The following KDM7A variants were observed in gnomAD, a reference collection of about 807,000 sequenced individuals.
KDM7A encodes the protein lysine-specific demethylase 7A.
A neutral mutation model predicts 114.8 loss-of-function variants in KDM7A; 28 were observed. The observed-to-expected ratio is 0.24, with a 90% CI of 0.18 to 0.33. KDM7A has a LOEUF of 0.33. Ranked by LOEUF, KDM7A falls within the 10% of genes least tolerant of loss-of-function variation. The pLI, the probability that KDM7A is intolerant of heterozygous loss-of-function variation, is 1.00. For synonymous variants in KDM7A, 423 were observed against 397.8 expected, an observed-to-expected ratio of 1.06 and a Z score of -0.75; for missense variants, 942 against 1,142.5, an observed-to-expected ratio of 0.82 and a Z score of 2.53.
chr7:140,151,504 G>A (rs1794400154), intron 1 of KDM7A, among the ~76,000 whole-genome samples: 2 of 152,146 alleles, frequency 1.3e-5, no homozygotes, highest in African/African-American at 2.4e-5. Context: ...GATAGAAAAT[G>A]AATGTGAGGG....
chr7:140,101,793 C>T (rs1818230078), intron 12 of KDM7A, among the ~76,000 whole-genome samples, 158 bp downstream of exon 12: 1 of 152,142 alleles, frequency 6.6e-6, no homozygotes, highest in Non-Finnish European at 1.5e-5. Flanking sequence ...AAAGATTAAG[C>T]ACCACTCCCT....
chr7:140,130,161 G>A (rs911543360), intron 3 of KDM7A, among the ~76,000 whole-genome samples: 88 of 152,138 alleles, frequency 5.8e-4, no homozygotes, highest in African/African-American at 1.9e-3. Context: ...TACTCAACCT[G>A]TATTTTAGTA....
At position 140,102,066 on chromosome 7, in the gene KDM7A, C is replaced by T. The variant is rs776742325; in HGVS notation, c.1523G>A (p.Arg508Gln). 24 of 1,613,640 alleles carry T rather than the reference C, an allele frequency of 1.5e-5. No individual in the cohort carries two copies. The highest frequency in any genetic ancestry group is 5.3e-5 in the African/African-American group (4 of 74,890). ...SNEATSPYHS[R>Q]RKMRKLRDHN... is the part of the protein sequence containing the mutation. ...ATCTCGAAGTTTCCTCATCTTTCTT[C>T]GGGAATGGTATGGGGAAGTTGCTTC... The change falls in exon 12 of 20, where the codon CGA (arginine) becomes CAA (glutamine). Residue 508 changes from arginine to glutamine, a missense_variant. Physicochemically the swap from Arg to Gln is conservative, Grantham distance 43 (BLOSUM62 1). Transcript: ENST00000397560.
At chr7:140,143,807 C>G (rs769536381) in intron 1 of KDM7A, among the ~76,000 whole-genome samples, 24 of 152,180 alleles carry the variant, frequency 1.6e-4, no homozygotes, top group Non-Finnish European at 3.2e-4. Flanking sequence ...ATCCACATAA[C>G]TAAATCAAGC....
In KDM7A at chr7:140,100,010, G is replaced by A. The variant is rs1472541351; in HGVS notation, c.1652C>T (p.Ser551Phe). 8.7e-6 allele frequency: 14 copies of A among 1,613,984 alleles called. No individual in the cohort carries two copies. The highest frequency in any genetic ancestry group is 1.3e-5 in the African/African-American group (1 of 74,904). The change falls in exon 13 of 20, where the codon TCT (serine) becomes TTT (phenylalanine). Residue 551 changes from serine (S) to phenylalanine (F), a missense_variant. Physicochemically the swap from Ser to Phe is radical, Grantham distance 155 (BLOSUM62 -2). Transcript: ENST00000397560. ...MCPWEEDILS[S>F]KLNGKFNKHL... ...TTTGTTGAATTTTCCATTCAGTTTA[G>A]AGCTCAAGATGTCCTGAAGGTATAA...
At chr7:140,174,153 GA>G (rs1287098514) in intron 1 of KDM7A, among the ~76,000 whole-genome samples, 1 of 147,218 alleles carries the variant, frequency 6.8e-6, no homozygotes, top group African/African-American at 2.5e-5. Context: ...GACAGAGCGA[GA>G]CTCCGTCTCC....
chr7:140,171,577 A>ATT (rs1794641583), intron 1 of KDM7A, among the ~76,000 whole-genome samples: 1 of 144,556 alleles, frequency 6.9e-6, no homozygotes. Flanking sequence ...ATTTATATAT[A>ATT]TATATTTTTA....
chr7:140,156,494 T>C (rs1794459222), intron 1 of KDM7A, among the ~76,000 whole-genome samples: 1 of 152,060 alleles, frequency 6.6e-6, no homozygotes, highest in Non-Finnish European at 1.5e-5. Context: ...ACTGCAGGCA[T>C]TCAGATGGGA....
intron 1 of KDM7A, among the ~76,000 whole-genome samples, chr7:140,150,645 G>A (rs942515355): frequency 6.6e-6 from 1 of 152,146 alleles, no homozygotes; most frequent in African/African-American, 2.4e-5. Context: ...TTGCCTCTGG[G>A]AAAAGAAAAC....
intron 11 of KDM7A, among the ~76,000 whole-genome samples, chr7:140,108,517 C>A (rs1328697869): frequency 2.6e-5 from 4 of 152,198 alleles, no homozygotes; most frequent in Non-Finnish European, 5.9e-5. Context: ...CCCTCAGCTG[C>A]AGGTCTGTTG....
chr7:140,097,637 A>G lies in KDM7A; in HGVS notation c.1924T>C (p.Phe642Leu). ...CTGAGTTCTGATTTCACACGTGTAA[A>G]AAACCCTGAAAAAGAATGAAAGGAT... ...EESQKPLNGF[F>L]TRVKSELRSR... Residue 642 changes from phenylalanine (F) to leucine (L), a missense_variant, in exon 15 of 20, where the codon TTT (phenylalanine) becomes CTT (leucine). By Grantham distance (22) the Phe-to-Leu change is conservative (BLOSUM62 0). Transcript: ENST00000397560. The G allele has an allele frequency of 6.5e-7, 1 of 1,539,372 alleles. No homozygotes were observed. The highest frequency in any genetic ancestry group is 9.0e-7 in the Non-Finnish European group (1 of 1,113,684).
chr7:140,139,178 T>C lies in KDM7A; in HGVS notation c.207A>G (p.Val69=). 1 of 1,612,992 alleles carries C rather than the reference T, an allele frequency of 6.2e-7. No homozygotes were observed. The highest frequency in any genetic ancestry group is 8.5e-7 in the Non-Finnish European group (1 of 1,179,270). Reference sequence around the variant, plus strand: ...CAATGTCAACAGCATGATGTTCTTCTACTCCAACACAGCTAAGACAAAGGA... The same window carrying C: ...CAATGTCAACAGCATGATGTTCTTCCACTCCAACACAGCTAAGACAAAGGA... ...KDWFHGSCVG[V]EEHHAVDIDL... is the part of the protein sequence containing the mutation. Residue 69 remains valine (V), a synonymous_variant, in exon 2 of 20, where the codon GTA becomes GTG. Coordinates refer to ENST00000397560, the MANE Select transcript of KDM7A (RefSeq NM_030647.2).
intron 1 of KDM7A, among the ~76,000 whole-genome samples, chr7:140,156,430 A>G (rs1794458793): frequency 6.6e-6 from 1 of 152,214 alleles, no homozygotes; most frequent in Non-Finnish European, 1.5e-5. Context: ...TTTCATTAAC[A>G]ATTTACCTAC....
intron 1 of KDM7A, among the ~76,000 whole-genome samples, chr7:140,142,422 C>CAA (rs545464512): frequency 7.4e-6 from 1 of 135,132 alleles, no homozygotes; most frequent in Non-Finnish European, 1.6e-5. Flanking sequence ...TAAATCAATA[C>CAA]AAAAAAAAAA....
intron 2 of KDM7A, among the ~76,000 whole-genome samples, chr7:140,134,096 T>C (rs1444771711): frequency 1.3e-5 from 2 of 152,188 alleles, no homozygotes; most frequent in African/African-American, 2.4e-5. Context: ...TCCTTCCTCT[T>C]TCATGTGAAG....
At chr7:140,165,883 T>G (rs991856139) in intron 1 of KDM7A, among the ~76,000 whole-genome samples, 1 of 151,946 alleles carries the variant, frequency 6.6e-6, no homozygotes, top group African/African-American at 2.4e-5. Flanking sequence ...AGCTCTATGG[T>G]AAGAACAATT....
intron 2 of KDM7A, 131 bp downstream of exon 2, chr7:140,138,974 T>G: frequency 1.8e-6 from 1 of 550,480 alleles, no homozygotes; most frequent in Non-Finnish European, 3.2e-6. Flanking sequence ...TTGAGCAAAA[T>G]CTTTCCCTAC....
At chr7:140,119,928 C>G (rs1024420840) in intron 8 of KDM7A, among the ~76,000 whole-genome samples, 1 of 152,144 alleles carries the variant, frequency 6.6e-6, no homozygotes, top group Non-Finnish European at 1.5e-5. Flanking sequence ...TCATTTTTAC[C>G]ATAAGCAATG....
chr7:140,175,981 C>T (rs1167868987), intron 1 of KDM7A, among the ~76,000 whole-genome samples: 3 of 151,776 alleles, frequency 2.0e-5, no homozygotes, highest in Non-Finnish European at 4.4e-5. Context: ...GCCCCAGTCC[C>T]GGCGACCCGG....
Sources: gnomAD v4.1 joint callset for allele counts (sites outside exome capture counted in the v4.1 genomes callset) on GRCh38, gnomAD v4.1.1 for gene constraint, MANE v1.5 for transcripts, NCBI Gene and HGNC (gene_info 2026-07-23, HGNC 2026-07-21) for gene names.